Variants in ZC3H3 observed in about 807,000 individuals in gnomAD.
ZC3H3 encodes zinc finger CCCH domain-containing protein 3.
ZC3H3 carries 36 observed loss-of-function variants against 77.3 expected under a neutral mutation model. The observed-to-expected ratio is 0.47, with a 90% CI of 0.36 to 0.61. The LOEUF is 0.61. ZC3H3 is among the 20% of genes least tolerant of loss of function. ZC3H3 has a pLI of 0.00. For missense variants in ZC3H3, 1,331 were observed against 1,312.2 expected (o/e 1.01, Z -0.22); for synonymous variants, 626 against 555.2 (o/e 1.13, Z -1.79).
chr8:143,534,447 C>T (rs999348856), intron 3 of ZC3H3, among the ~76,000 whole-genome samples: 69 of 152,076 alleles, frequency 4.5e-4, no homozygotes, highest in Middle Eastern at 6.8e-3. Flanking sequence ...CAAGGCCCCA[C>T]CAGCAGGAAG....
chr8:143,479,340 C>T (rs148467151), intron 4 of ZC3H3, among the ~76,000 whole-genome samples: 184 of 152,190 alleles, frequency 1.2e-3, no homozygotes, highest in African/African-American at 4.3e-3. Flanking sequence ...GAGAGGATGG[C>T]CTTTGGAAAC....
chr8:143,466,154 C>T (rs151246395), intron 8 of ZC3H3, among the ~76,000 whole-genome samples: 6 of 152,330 alleles, frequency 3.9e-5, no homozygotes, highest in African/African-American at 1.4e-4. Flanking sequence ...CTGAGCCTGC[C>T]CACCGTCCAG....
At position 143,486,695 on chromosome 8, in the gene ZC3H3, G is replaced by A. The variant is rs115755124; in HGVS notation, c.1716-11110C>T. Among the ~76,000 whole-genome samples, 1,260 of 151,826 alleles carry A rather than the reference G, an allele frequency of 8.3e-3. 16 individuals are homozygous for A. Among genetic ancestry groups the A allele is most frequent in the African/African-American group, 0.029 (1,199 of 41,340 alleles). On this transcript the variant is annotated intron_variant, in intron 4 of 11. Coordinates refer to ENST00000262577, the MANE Select transcript of ZC3H3 (RefSeq NM_015117.3). The stretch of plus-strand genomic sequence containing the variant: ...CACCAAGAAGCTCACACACAAAACA[G>A]CACCTGCTCCACAACCCCACCACCA...
chr8:143,465,419 C>A (rs1167326804), intron 9 of ZC3H3, among the ~76,000 whole-genome samples: 1 of 152,234 alleles, frequency 6.6e-6, no homozygotes, highest in East Asian at 1.9e-4. Context: ...TGCTCCGGCC[C>A]AGTCACCACA....
intron 9 of ZC3H3, among the ~76,000 whole-genome samples, chr8:143,459,967 C>T (rs1045521847): frequency 6.6e-6 from 1 of 152,112 alleles, no homozygotes; most frequent in Admixed American, 6.6e-5. Context: ...TAGCCAGAGG[C>T]CGGGCGTGGT....
chr8:143,467,049 T>C, intron 8 of ZC3H3, among the ~76,000 whole-genome samples: 1 of 151,908 alleles, frequency 6.6e-6, no homozygotes, highest in Admixed American at 6.5e-5. Flanking sequence ...CAAAGGGTGA[T>C]TTAACGAGCG....
At chr8:143,525,165 T>C (rs1374727038) in intron 3 of ZC3H3, among the ~76,000 whole-genome samples, 1 of 124,072 alleles carries the variant, frequency 8.1e-6, no homozygotes, top group East Asian at 2.7e-4. Context: ...GGCACTTGCT[T>C]GGCTTCTCCT....
intron 4 of ZC3H3, among the ~76,000 whole-genome samples, chr8:143,500,639 T>G (rs1431439645): frequency 6.6e-6 from 1 of 152,144 alleles, no homozygotes; most frequent in Non-Finnish European, 1.5e-5. Context: ...AGGTGAGGGT[T>G]TTCTTATGGC....
chr8:143,443,248 G>A (rs557090855), intron 9 of ZC3H3, among the ~76,000 whole-genome samples: 9 of 133,328 alleles, frequency 6.8e-5, no homozygotes, highest in African/African-American at 2.6e-4. Context: ...TTGCACCACT[G>A]CACTCCAGCC....
rs755520114 is a variant in ZC3H3 at position 143,538,217 on chromosome 8, G to C, written c.1150C>G (p.Pro384Ala). ...AAGGAGGAAGAGGAGGAGGCAGAGG[G>C]GCTGGAGGCCTTCCACTTGTACTTG... is the stretch of plus-strand genomic sequence containing the variant. ...PSKYKWKASS[P>A]SASSSSSFRW... Residue 384 changes from proline to alanine, a missense_variant, in exon 2 of 12, where the codon CCC becomes GCC. Physicochemically the swap from Pro to Ala is conservative, Grantham distance 27. This residue lies in a region of ZC3H3 where 978 missense variants were observed against 915.5 expected (regional missense o/e 1.07). Coordinates refer to ENST00000262577, the MANE Select transcript of ZC3H3 (RefSeq NM_015117.3). 6.2e-7 allele frequency: 1 copy of C among 1,613,028 alleles called. No individual in the cohort carries two copies. Among genetic ancestry groups the C allele is most frequent in the East Asian group, 2.2e-5 (1 of 44,892 alleles).
chr8:143,536,520 C>A (rs1454421645), intron 2 of ZC3H3, 67 bp from the exon 3 acceptor site: 2 of 1,422,614 alleles, frequency 1.4e-6, no homozygotes, highest in Admixed American at 5.4e-5. Flanking sequence ...CCCTTCCTCA[C>A]CAGGACCCGA....
At chr8:143,453,533 A>G (rs1435364036) in intron 9 of ZC3H3, among the ~76,000 whole-genome samples, 1 of 152,246 alleles carries the variant, frequency 6.6e-6, no homozygotes, top group African/African-American at 2.4e-5. Context: ...TCAGTGAATT[A>G]TCCTTCTGGA....
chr8:143,495,762 CTTTT>C (rs77825264), intron 4 of ZC3H3, among the ~76,000 whole-genome samples: 1 of 139,478 alleles, frequency 7.2e-6, no homozygotes. Context: ...TCTTTTCTTT[CTTTT>C]TTTTTTTTTT....
chr8:143,475,390 C>A lies in ZC3H3; in HGVS notation c.1903+8G>T. On this transcript the variant is annotated splice_region_variant and intron_variant, in intron 5 of 11. Transcript: ENST00000262577. The stretch of plus-strand genomic sequence containing the variant: ...TCATCTCCCAGCGCCCCCGCCCTCA[C>A]CTCTCACCTGTGCGCAGGAGGGGCC... 1 of 1,612,010 alleles carries A rather than the reference C, an allele frequency of 6.2e-7. No individual in the cohort carries two copies. Among genetic ancestry groups the A allele is most frequent in the African/African-American group, 1.3e-5 (1 of 75,052 alleles).
intron 8 of ZC3H3, among the ~76,000 whole-genome samples, 179 bp from the exon 9 acceptor site, chr8:143,466,027 C>G (rs560775990): frequency 1.3e-5 from 2 of 152,308 alleles, no homozygotes; most frequent in East Asian, 3.9e-4. Flanking sequence ...GAAGTGGGCC[C>G]CAGCCTCCCC....
chr8:143,461,242 T>TA (rs1489208625), intron 9 of ZC3H3, among the ~76,000 whole-genome samples: 14 of 152,082 alleles, frequency 9.2e-5, no homozygotes, highest in African/African-American at 3.4e-4. Flanking sequence ...GAATGGCCCA[T>TA]AAGCACCCAG....
intron 9 of ZC3H3, among the ~76,000 whole-genome samples, chr8:143,442,103 A>G (rs1819757040): frequency 6.6e-6 from 1 of 151,978 alleles, no homozygotes; most frequent in Admixed American, 6.5e-5. Context: ...AGAATCTGGG[A>G]TCCCAGGTAC....
intron 3 of ZC3H3, among the ~76,000 whole-genome samples, chr8:143,509,775 G>C (rs991490874): frequency 6.6e-6 from 1 of 152,182 alleles, no homozygotes; most frequent in Non-Finnish European, 1.5e-5. Context: ...GGCCCCGGGG[G>C]TTCATGTTCC....
chr8:143,509,553 T>C (rs1266501956), intron 3 of ZC3H3, among the ~76,000 whole-genome samples: 1 of 152,238 alleles, frequency 6.6e-6, no homozygotes, highest in Non-Finnish European at 1.5e-5. Context: ...ATGGCCCACT[T>C]GCCAGCCTGC....
Sources: gnomAD v4.1 joint callset for allele counts (sites outside exome capture counted in the v4.1 genomes callset) on GRCh38, gnomAD v4.1.1 for gene constraint, gnomAD v4.1.1 regional missense constraint, MANE v1.5 for transcripts, NCBI Gene and HGNC (gene_info 2026-07-23, HGNC 2026-07-21) for gene names.